Variants in PRKCB observed in about 807,000 individuals in gnomAD.
The protein encoded by PRKCB is protein kinase C beta, also known as protein kinase C beta type.
PRKCB carries 13 observed loss-of-function variants against 81.5 expected under a neutral mutation model. The ratio of observed to expected loss-of-function variants is 0.16; its 90% CI spans 0.10 to 0.25. The LOEUF (loss-of-function observed/expected upper bound fraction) is 0.25, where lower values mean the gene tolerates loss of function less well. Ranked by LOEUF, PRKCB falls within the 10% of genes least tolerant of loss-of-function variation. The pLI is 1.00. For synonymous variants in PRKCB, 335 were observed against 321.4 expected (o/e 1.04, Z -0.45); for missense variants, 509 against 875.7 (o/e 0.58, Z 5.29).
At chr16:24,026,837 G>A (rs1965486763) in intron 3 of PRKCB, among the ~76,000 whole-genome samples, 1 of 152,124 alleles carries the variant, frequency 6.6e-6, no homozygotes, top group African/African-American at 2.4e-5. Flanking sequence ...AGATGGCAAG[G>A]ATGCCTTTTA....
At chr16:24,056,721 G>A (rs1420023787) in intron 5 of PRKCB, among the ~76,000 whole-genome samples, 1 of 152,058 alleles carries the variant, frequency 6.6e-6, no homozygotes. Context: ...TGTGATACAC[G>A]GGCTCCCCTT....
At chr16:23,872,777 G>C (rs946410856) in intron 2 of PRKCB, among the ~76,000 whole-genome samples, 1 of 152,070 alleles carries the variant, frequency 6.6e-6, no homozygotes, top group Non-Finnish European at 1.5e-5. Flanking sequence ...GAGCATCTCT[G>C]AGTAGGAGCT....
At chr16:24,157,067 A>T (rs998395294) in intron 10 of PRKCB, among the ~76,000 whole-genome samples, 1 of 152,198 alleles carries the variant, frequency 6.6e-6, no homozygotes, top group Non-Finnish European at 1.5e-5. Flanking sequence ...ATTTGAGATT[A>T]TTCTTTTAAT....
intron 2 of PRKCB, among the ~76,000 whole-genome samples, chr16:23,845,915 T>C (rs1234645695): frequency 3.3e-5 from 5 of 152,088 alleles, no homozygotes; most frequent in Non-Finnish European, 7.4e-5. Flanking sequence ...GGCCAATAGA[T>C]TGAAAATAAA....
intron 2 of PRKCB, among the ~76,000 whole-genome samples, chr16:23,969,838 T>C (rs910604947): frequency 6.6e-6 from 1 of 152,130 alleles, no homozygotes; most frequent in Non-Finnish European, 1.5e-5. Flanking sequence ...CTCCCACAGA[T>C]ATGATATTTC....
chr16:24,148,994 G>A (rs965378270), intron 9 of PRKCB, among the ~76,000 whole-genome samples: 7 of 152,186 alleles, frequency 4.6e-5, no homozygotes, highest in African/African-American at 1.4e-4. Flanking sequence ...TGGTTTCTGT[G>A]GGTCAGGAGA....
chr16:24,194,587 T>C (rs1567408944), intron 16 of PRKCB, among the ~76,000 whole-genome samples: 1 of 152,232 alleles, frequency 6.6e-6, no homozygotes. Context: ...ATATTTTGAA[T>C]AGCCCTGCTA....
At chr16:24,102,876 TA>T in intron 7 of PRKCB, among the ~76,000 whole-genome samples, 1 of 152,350 alleles carries the variant, frequency 6.6e-6, no homozygotes, top group South Asian at 2.1e-4. Context: ...CTCTGCTCTT[TA>T]AAAATAATGA....
chr16:24,085,203 C>A (rs1966297891), intron 5 of PRKCB, among the ~76,000 whole-genome samples: 1 of 150,628 alleles, frequency 6.6e-6, no homozygotes, highest in Non-Finnish European at 1.5e-5. Context: ...GATAAACTAC[C>A]ACTGGAGAGT....
chr16:24,192,997 T>C (rs1967817068), intron 16 of PRKCB, among the ~76,000 whole-genome samples: 1 of 151,980 alleles, frequency 6.6e-6, no homozygotes, highest in Admixed American at 6.6e-5. Flanking sequence ...TCTTCTTCTG[T>C]TACCCAGGTT....
intron 3 of PRKCB, among the ~76,000 whole-genome samples, chr16:23,989,534 A>G (rs1964849782): frequency 6.6e-6 from 1 of 152,214 alleles, no homozygotes; most frequent in South Asian, 2.1e-4. Flanking sequence ...ATCATTATAA[A>G]TGTATTTTAA....
chr16:23,975,255 T>TG (rs1057227960), intron 2 of PRKCB, among the ~76,000 whole-genome samples: 4 of 152,096 alleles, frequency 2.6e-5, no homozygotes, highest in Non-Finnish European at 4.4e-5. Context: ...TAGAGTGAGT[T>TG]GGGGGCCTGG....
intron 2 of PRKCB, among the ~76,000 whole-genome samples, chr16:23,916,129 C>A (rs1567312921): frequency 6.6e-6 from 1 of 151,966 alleles, no homozygotes; most frequent in East Asian, 1.9e-4. Context: ...TCACAGCTCA[C>A]TGCAGCCTCA....
intron 3 of PRKCB, among the ~76,000 whole-genome samples, chr16:24,000,989 GTTT>G (rs59302470): frequency 0.016 from 2,454 of 148,932 alleles, 38 homozygotes; most frequent in Non-Finnish European, 0.018. Context: ...AAATAAAGCG[GTTT>G]TTTTTTTTTT....
intron 3 of PRKCB, among the ~76,000 whole-genome samples, chr16:24,019,658 G>A (rs896416250): frequency 3.9e-5 from 6 of 152,002 alleles, no homozygotes; most frequent in South Asian, 4.2e-4. Context: ...CAGACACTTC[G>A]GGGGCTGAGG....
intron 2 of PRKCB, among the ~76,000 whole-genome samples, chr16:23,864,887 G>A (rs1166536573): frequency 6.6e-6 from 1 of 152,030 alleles, no homozygotes; most frequent in Non-Finnish European, 1.5e-5. Flanking sequence ...CTTCCCCTAT[G>A]CCCTCTCCCT....
intron 16 of PRKCB, among the ~76,000 whole-genome samples, chr16:24,199,260 C>T (rs1967921931): frequency 6.6e-6 from 1 of 152,196 alleles, no homozygotes; most frequent in South Asian, 2.1e-4. Flanking sequence ...GGTTTCTCAG[C>T]AATTTTATCA....
chr16:23,949,998 C>G (rs996634506), intron 2 of PRKCB, among the ~76,000 whole-genome samples: 1 of 152,158 alleles, frequency 6.6e-6, no homozygotes, highest in African/African-American at 2.4e-5. Context: ...GCCCAGAGAC[C>G]ACCTCCTTCC....
At chr16:23,903,593 A>G (rs1173642616) in intron 2 of PRKCB, among the ~76,000 whole-genome samples, 2 of 152,160 alleles carry the variant, frequency 1.3e-5, no homozygotes, top group Admixed American at 6.5e-5. Flanking sequence ...GTATTAAAAT[A>G]CGCTTTTAAC....
Sources: gnomAD v4.1 joint callset for allele counts (sites outside exome capture counted in the v4.1 genomes callset) on GRCh38, gnomAD v4.1.1 for gene constraint, MANE v1.5 for transcripts, NCBI Gene and HGNC (gene_info 2026-07-23, HGNC 2026-07-21) for gene names.